NCAM2: variants seen among roughly 807,000 people sequenced by gnomAD.
NCAM2 encodes neural cell adhesion molecule 2, also known as N-CAM-2.
In NCAM2, 30 loss-of-function variants were observed where a neutral mutation model predicts 98.1. That is an observed-to-expected ratio of 0.31 (90% confidence interval 0.23 to 0.41). The LOEUF is 0.41. NCAM2 is among the 10% of genes least tolerant of loss of function. The pLI is 1.00. For missense variants in NCAM2, 867 were observed against 1,005.8 expected (o/e 0.86, Z 1.87); for synonymous variants, 368 against 342.4 (o/e 1.07, Z -0.83).
chr21:21,304,174 G>A (rs959689443), intron 5 of NCAM2, among the ~76,000 whole-genome samples: 3 of 151,832 alleles, frequency 2.0e-5, no homozygotes, highest in East Asian at 1.9e-4. Flanking sequence ...CGAATGTATT[G>A]TGTAAAACAA....
intron 5 of NCAM2, among the ~76,000 whole-genome samples, chr21:21,310,646 A>G (rs9976952): frequency 0.29 from 43,785 of 152,070 alleles, 6,590 homozygotes; most frequent in East Asian, 0.38. Flanking sequence ...TTTTTTAACT[A>G]TCAATATGAT....
chr21:21,297,246 G>T (rs996457810), intron 5 of NCAM2, among the ~76,000 whole-genome samples: 1 of 151,552 alleles, frequency 6.6e-6, no homozygotes. Flanking sequence ...AGGTAGATTT[G>T]GTCAATAATT....
chr21:21,068,783 A>T (rs920650618), intron 1 of NCAM2, among the ~76,000 whole-genome samples: 3 of 152,112 alleles, frequency 2.0e-5, no homozygotes, highest in Non-Finnish European at 2.9e-5. Flanking sequence ...TTGTATTATT[A>T]TCTGCGTAAC....
chr21:21,494,525 T>C (rs1195662326), intron 15 of NCAM2, among the ~76,000 whole-genome samples: 1 of 151,922 alleles, frequency 6.6e-6, no homozygotes, highest in Non-Finnish European at 1.5e-5. Context: ...CACTAGTTGT[T>C]TTATAGCAAA....
At chr21:21,362,983 G>A (rs1348091072) in intron 8 of NCAM2, among the ~76,000 whole-genome samples, 3 of 152,060 alleles carry the variant, frequency 2.0e-5, no homozygotes, top group South Asian at 2.1e-4. Context: ...ACTATACCCA[G>A]TAGAGTGACA....
intron 16 of NCAM2, among the ~76,000 whole-genome samples, chr21:21,532,944 A>T (rs992854440): frequency 2.6e-5 from 4 of 152,002 alleles, no homozygotes; most frequent in Non-Finnish European, 4.4e-5. Context: ...AGAGCTAAAA[A>T]AGTTTATTCA....
At chr21:21,153,327 G>A (rs1337922040) in intron 1 of NCAM2, among the ~76,000 whole-genome samples, 2 of 151,272 alleles carry the variant, frequency 1.3e-5, no homozygotes, top group South Asian at 2.1e-4. Context: ...CCTGGAATCT[G>A]CATGTCCAAA....
intron 15 of NCAM2, among the ~76,000 whole-genome samples, chr21:21,489,121 G>A (rs1986637969): frequency 6.6e-6 from 1 of 151,976 alleles, no homozygotes; most frequent in African/African-American, 2.4e-5. Flanking sequence ...CTGCCTAGTA[G>A]CTGGGTGTGC....
chr21:21,353,907 CTA>C (rs1190333846), intron 8 of NCAM2, among the ~76,000 whole-genome samples: 1 of 152,098 alleles, frequency 6.6e-6, no homozygotes, highest in Non-Finnish European at 1.5e-5. Flanking sequence ...ATTTTTCAAA[CTA>C]TGTTTTTATA....
chr21:21,034,214 A>G (rs2064752776), intron 1 of NCAM2, among the ~76,000 whole-genome samples: 1 of 152,178 alleles, frequency 6.6e-6, no homozygotes, highest in Admixed American at 6.5e-5. Flanking sequence ...ATCAAGGTTA[A>G]GTCTCTGTAT....
intron 5 of NCAM2, among the ~76,000 whole-genome samples, chr21:21,300,975 A>G (rs138649327): frequency 1.3e-5 from 2 of 152,140 alleles, no homozygotes; most frequent in African/African-American, 2.4e-5. Context: ...ATGTGTATAT[A>G]TAGATATGCG....
At position 21,094,456 on chromosome 21, in the gene NCAM2, A is replaced by G. The variant is rs974278766; in HGVS notation, c.55+95838A>G. 3.3e-5 allele frequency among the ~76,000 whole-genome samples: 5 copies of G among 151,998 alleles called. No individual in the cohort carries two copies. The South Asian group carries it at 1.0e-3, about 32-fold the overall frequency. ...ATTTTTGGTTACCTAAAAGCTAAAC[A>G]ATATACTCAGACATTGAGTATAATA... On this transcript the variant is annotated intron_variant, in intron 1 of 17. Coordinates refer to ENST00000400546, the MANE Select transcript of NCAM2 (RefSeq NM_004540.5).
At chr21:21,391,396 A>G (rs906155501) in intron 9 of NCAM2, among the ~76,000 whole-genome samples, 1 of 152,198 alleles carries the variant, frequency 6.6e-6, no homozygotes, top group Admixed American at 6.5e-5. Context: ...AATATGTGTC[A>G]TAGATAGTAT....
At chr21:21,307,628 C>T (rs1434621961) in intron 5 of NCAM2, among the ~76,000 whole-genome samples, 1 of 152,140 alleles carries the variant, frequency 6.6e-6, no homozygotes, top group Non-Finnish European at 1.5e-5. Context: ...AATCCAGCCT[C>T]TTTCTTCTGT....
chr21:21,057,107 AAGAC>A (rs1172781294), intron 1 of NCAM2, among the ~76,000 whole-genome samples: 1 of 152,110 alleles, frequency 6.6e-6, no homozygotes, highest in Non-Finnish European at 1.5e-5. Context: ...GATTGAAAGA[AAGAC>A]CTAGGGTGTC....
intron 10 of NCAM2, among the ~76,000 whole-genome samples, chr21:21,416,178 T>C (rs1461281239): frequency 6.6e-6 from 1 of 152,134 alleles, no homozygotes; most frequent in Non-Finnish European, 1.5e-5. Flanking sequence ...TTTAATATTA[T>C]TGTGTCTCAC....
intron 1 of NCAM2, among the ~76,000 whole-genome samples, chr21:21,269,462 A>C (rs1160098744): frequency 6.6e-6 from 1 of 152,116 alleles, no homozygotes. Context: ...AAATTGTTAG[A>C]TATTTCTTTG....
At chr21:21,230,731 G>T (rs1057166711) in intron 1 of NCAM2, among the ~76,000 whole-genome samples, 5 of 151,258 alleles carry the variant, frequency 3.3e-5, no homozygotes, top group Non-Finnish European at 4.4e-5. Context: ...GTGATGTTAG[G>T]ACCAGAAAAT....
intron 12 of NCAM2, among the ~76,000 whole-genome samples, chr21:21,440,409 C>T (rs892352218): frequency 6.6e-6 from 1 of 152,110 alleles, no homozygotes; most frequent in African/African-American, 2.4e-5. Context: ...AGGCCTGGCA[C>T]AGTGGCTCAT....
Sources: allele counts gnomAD v4.1 joint callset (sites outside exome capture counted in the v4.1 genomes callset), GRCh38; gene constraint gnomAD v4.1.1; transcripts MANE v1.5; gene names NCBI Gene and HGNC (gene_info 2026-07-23, HGNC 2026-07-21).